The following CALD1 variants were observed in gnomAD, a reference collection of about 807,000 sequenced individuals.
The protein encoded by CALD1 is caldesmon 1.
Under a neutral mutation model 99.9 loss-of-function variants are expected in CALD1, and 33 were observed. The observed-to-expected ratio is 0.33, with a 90% CI of 0.25 to 0.44. CALD1 has a LOEUF of 0.44. CALD1 is among the 20% of genes least tolerant of loss of function. The pLI is 1.00. For missense variants in CALD1, 861 were observed against 962.1 expected, an observed-to-expected ratio of 0.89 and a Z score of 1.39; for synonymous variants, 310 against 325.0, an observed-to-expected ratio of 0.95 and a Z score of 0.50.
At chr7:134,898,367 A>G (rs1034136906) in intron 3 of CALD1, among the ~76,000 whole-genome samples, 1 of 152,218 alleles carries the variant, frequency 6.6e-6, no homozygotes, top group Non-Finnish European at 1.5e-5. Context: ...TTAAAATTTA[A>G]TATCAGAGGA....
the CALD1 span, among the ~76,000 whole-genome samples, chr7:134,736,937 A>G: frequency 6.6e-6 from 1 of 151,934 alleles, no homozygotes; most frequent in Admixed American, 6.6e-5. Context: ...TTTCTGTGCT[A>G]CCTTCACTGT....
chr7:134,928,454 A>C (rs918724661), intron 3 of CALD1, among the ~76,000 whole-genome samples: 1 of 151,420 alleles, frequency 6.6e-6, no homozygotes, highest in East Asian at 1.9e-4. Context: ...AAAAAAAAAA[A>C]AACTAACCCA....
chr7:134,910,426 C>A (rs140665802), intron 3 of CALD1, among the ~76,000 whole-genome samples: 112 of 152,272 alleles, frequency 7.4e-4, no homozygotes, highest in African/African-American at 2.6e-3. Flanking sequence ...GTACTGAGTT[C>A]TTTTTGCTTC....
chr7:134,766,852 G>A (rs113074828), intron 1 of CALD1, among the ~76,000 whole-genome samples: 4,922 of 152,202 alleles, frequency 0.032, 242 homozygotes, highest in African/African-American at 0.11. Context: ...GGGAGGAAGG[G>A]AGGCTGAAGA....
upstream of CALD1, among the ~76,000 whole-genome samples, chr7:134,739,363 A>C (rs1038036719): frequency 6.6e-6 from 1 of 152,222 alleles, no homozygotes; most frequent in Non-Finnish European, 1.5e-5. Context: ...CCTAGGTCTT[A>C]TCACTTCTGA....
intron 3 of CALD1, among the ~76,000 whole-genome samples, chr7:134,918,283 C>T (rs187859409): frequency 1.4e-4 from 22 of 152,032 alleles, no homozygotes; most frequent in African/African-American, 4.1e-4. Context: ...GAAAATGGCA[C>T]CAATTGAAAA....
At chr7:134,784,656 A>T (rs3778840) in intron 1 of CALD1, among the ~76,000 whole-genome samples, 42,180 of 152,020 alleles carry the variant, frequency 0.28, 6,404 homozygotes, top group African/African-American at 0.4. Context: ...AAACTTTGGT[A>T]GCTCAAGTAA....
intron 3 of CALD1, among the ~76,000 whole-genome samples, chr7:134,901,414 T>A (rs1410062379): frequency 6.6e-6 from 1 of 152,028 alleles, no homozygotes; most frequent in Non-Finnish European, 1.5e-5. Context: ...GCTTACTCAG[T>A]GCTCAAGGGG....
In CALD1 at chr7:134,947,544, G is replaced by A. The variant is rs1388069436; in HGVS notation, c.1569G>A (p.Glu523=). 6.4e-7 allele frequency: 1 copy of A among 1,564,742 alleles called. No individual in the cohort carries two copies. Among genetic ancestry groups the A allele is most frequent in the South Asian group, 1.2e-5 (1 of 84,888 alleles). ...PGGRASVDTK[E]AEGAPQVEAG... ...GGAGGGCCAGCGTGGACACCAAGGA[G>A]GCTGAGGGCGCCCCCCAGGTGGAAG... is the stretch of plus-strand genomic sequence containing the variant. The change falls in exon 8 of 15, where the codon GAG becomes GAA. Residue 523 remains glutamate, a synonymous_variant. Coordinates refer to ENST00000361675, the MANE Select transcript of CALD1 (RefSeq NM_033138.4).
chr7:134,766,526 G>A (rs1246173082), intron 1 of CALD1, among the ~76,000 whole-genome samples: 1 of 152,192 alleles, frequency 6.6e-6, no homozygotes, highest in Non-Finnish European at 1.5e-5. Context: ...ACTGAGAAAA[G>A]TTTTAGTACA....
At chr7:134,848,720 T>A (rs1368532382) in intron 2 of CALD1, among the ~76,000 whole-genome samples, 1 of 152,202 alleles carries the variant, frequency 6.6e-6, no homozygotes. Context: ...TGATTTTGAA[T>A]CTGATTTCAC....
intron 1 of CALD1, among the ~76,000 whole-genome samples, chr7:134,754,383 T>C (rs1272547300): frequency 6.6e-6 from 1 of 152,258 alleles, no homozygotes; most frequent in East Asian, 1.9e-4. Flanking sequence ...GTCTTCTTCA[T>C]GACTTTTTAA....
chr7:134,869,556 A>T (rs1800966484), intron 3 of CALD1, among the ~76,000 whole-genome samples: 1 of 152,338 alleles, frequency 6.6e-6, no homozygotes, highest in Admixed American at 6.5e-5. Context: ...AGAGCAAAGA[A>T]CTTATAGACG....
chr7:134,745,305 TG>T (rs1233966500), intron 1 of CALD1, among the ~76,000 whole-genome samples: 1 of 152,256 alleles, frequency 6.6e-6, no homozygotes, highest in Non-Finnish European at 1.5e-5. Context: ...TAGAGTTTAA[TG>T]GTTTAAGCAA....
chr7:134,942,073 T>C (rs1351017996), intron 7 of CALD1, among the ~76,000 whole-genome samples: 1 of 152,182 alleles, frequency 6.6e-6, no homozygotes, highest in Admixed American at 6.5e-5. Flanking sequence ...AAACACTCTC[T>C]CCAACCACTG....
At chr7:134,864,348 A>AG (rs1284100976) in intron 2 of CALD1, among the ~76,000 whole-genome samples, 4 of 8,154 alleles carry the variant, frequency 4.9e-4, no homozygotes, top group Admixed American at 2.8e-3. Flanking sequence ...ACTCCATCTC[A>AG]AAAAAAAAAA....
At chr7:134,802,839 T>A (rs1446037730) in intron 1 of CALD1, among the ~76,000 whole-genome samples, 1 of 152,254 alleles carries the variant, frequency 6.6e-6, no homozygotes, top group Non-Finnish European at 1.5e-5. Flanking sequence ...AAGGACCATC[T>A]GTGTAAGATT....
At chr7:134,906,527 G>A (rs1803399747) in intron 3 of CALD1, among the ~76,000 whole-genome samples, 1 of 152,234 alleles carries the variant, frequency 6.6e-6, no homozygotes, top group African/African-American at 2.4e-5. Context: ...AATTATCACT[G>A]TTAAGTAAGC....
the CALD1 span, among the ~76,000 whole-genome samples, chr7:134,730,717 A>G: frequency 6.6e-6 from 1 of 152,238 alleles, no homozygotes; most frequent in Non-Finnish European, 1.5e-5. Flanking sequence ...AATTAGGAAC[A>G]ACACAAGTTA....
Sources: allele counts gnomAD v4.1 joint callset (sites outside exome capture counted in the v4.1 genomes callset), GRCh38; gene constraint gnomAD v4.1.1; transcripts MANE v1.5; gene names NCBI Gene and HGNC (gene_info 2026-07-23, HGNC 2026-07-21).